MRGBP: variants seen among roughly 807,000 people sequenced by gnomAD.
MRGBP encodes the protein MRG/MORF4L-binding protein.
MRGBP carries 5 observed loss-of-function variants against 21.5 expected under a neutral mutation model. The observed-to-expected ratio is 0.23, with a 90% CI of 0.12 to 0.49. The LOEUF is 0.49. Ranked by LOEUF, MRGBP falls within the 20% of genes least tolerant of loss-of-function variation. The pLI, the probability that MRGBP is intolerant of heterozygous loss-of-function variation, is 0.98. For synonymous variants in MRGBP, 118 were observed against 104.4 expected, an observed-to-expected ratio of 1.13 and a Z score of -0.79; for missense variants, 227 against 277.4, an observed-to-expected ratio of 0.82 and a Z score of 1.29.
At position 62,799,401 on chromosome 20, in the gene MRGBP, CAAAA is replaced by C. The variant is rs1258118283; in HGVS notation, c.428-53_428-50del. On this transcript the variant is annotated intron_variant, in intron 4 of 4. Transcript: ENST00000370487. Reference sequence around the variant, plus strand: ...AGATTTTTTTAACTGAACAGGAAGACAAAAATAAGATTCTGGATATTCTGTTTTC... The same window carrying C: ...AGATTTTTTTAACTGAACAGGAAGACATAAGATTCTGGATATTCTGTTTTC... 6 of 1,562,388 alleles carry C rather than the reference CAAAA, an allele frequency of 3.8e-6. No individual in the cohort carries two copies. In the East Asian group the frequency reaches 1.1e-4, roughly 29 times the overall value.
In MRGBP at chr20:62,796,684, G is replaced by A; in HGVS notation, c.148+13G>A. The A allele has an allele frequency of 1.6e-6, 2 of 1,285,012 alleles. No individual in the cohort carries two copies. The highest frequency in any genetic ancestry group is 2.0e-5 in the South Asian group (1 of 49,016). The allele number at this position is 1,285,012 out of a possible 1,614,324, so 79.6% of individuals were successfully genotyped here. ...CACAAGCCCGTCGGTGAGCGCCCAG[G>A]CTGCGGACGCGCGTGGGGGCGGGGC... is the stretch of plus-strand genomic sequence containing the variant. On this transcript the variant is annotated intron_variant, in intron 1 of 4. Coordinates refer to ENST00000370487, the MANE Select transcript of MRGBP (RefSeq NM_018270.6).
rs1191555984 is a variant in MRGBP, at chr20:62,800,963, A to G, written c.*1320A>G. On this transcript the variant is annotated 3_prime_UTR_variant, in exon 5 of 5. Coordinates refer to ENST00000370487, the MANE Select transcript of MRGBP (RefSeq NM_018270.6). ...TGTCCTGGCCAGCCATCGCACCCCA[A>G]TGTCTTCAGCTTGACGTTGCTTCTC... 1.3e-5 allele frequency: 2 copies of G among 152,208 alleles called. No individual in the cohort carries two copies. Among genetic ancestry groups the G allele is most frequent in the East Asian group, 1.9e-4 (1 of 5,164 alleles). 9.4% of individuals were successfully genotyped at this position (152,208 alleles called of 1,614,324 possible).
intron 2 of MRGBP, among the ~76,000 whole-genome samples, chr20:62,797,691 G>T (rs1197470120): frequency 6.6e-6 from 1 of 152,234 alleles, no homozygotes; most frequent in Non-Finnish European, 1.5e-5. Context: ...GGCAGAGGGT[G>T]ACCCTATCTG....
intron 3 of MRGBP, 106 bp from the exon 4 acceptor site, chr20:62,798,869 G>A: frequency 6.3e-7 from 1 of 1,583,190 alleles, no homozygotes; most frequent in Non-Finnish European, 8.6e-7. Flanking sequence ...GACGGAAGCT[G>A]AGGCCTGTGT....
At position 62,799,593 on chromosome 20, in the gene MRGBP, G is replaced by A. The variant is rs780471228; in HGVS notation, c.565G>A (p.Ala189Thr). ...RSRVTDKVLT[A>T]NSNPSSPSAA... ...CCGGGTCACCGACAAAGTCCTGACC[G>A]CAAACAGCAACCCTTCCAGTCCCAG... is the stretch of plus-strand genomic sequence containing the variant. The change falls in exon 5 of 5, where the codon GCA becomes ACA. Residue 189 changes from alanine (A) to threonine (T), a missense_variant. Coordinates refer to ENST00000370487, the MANE Select transcript of MRGBP (RefSeq NM_018270.6). The A allele has an allele frequency of 8.1e-6, 13 of 1,613,480 alleles. No homozygotes were observed. The highest frequency in any genetic ancestry group is 2.2e-5 in the East Asian group (1 of 44,898).
At chr20:62,798,520 T>C in intron 2 of MRGBP, 67 bp from the exon 3 acceptor site, 1 of 1,391,400 alleles carries the variant, frequency 7.2e-7, no homozygotes, top group East Asian at 2.3e-5. Context: ...CTTACACGGC[T>C]CTAGTGACTT....
intron 3 of MRGBP, 84 bp from the exon 4 acceptor site, chr20:62,798,891 G>A (rs756490940): frequency 1.1e-4 from 180 of 1,597,184 alleles, no homozygotes; most frequent in Non-Finnish European, 1.3e-4. Flanking sequence ...GGCAGCAAGC[G>A]TCGGAGCAGT....
chr20:62,797,930 C>G (rs1478294941), intron 2 of MRGBP, among the ~76,000 whole-genome samples: 1 of 152,030 alleles, frequency 6.6e-6, no homozygotes, highest in African/African-American at 2.4e-5. Context: ...GGTCAGGGGT[C>G]AGGTGACCAG....
chr20:62,796,516 C>A lies in MRGBP; in HGVS notation c.-8C>A. On this transcript the variant is annotated 5_prime_UTR_variant, in exon 1 of 5. Coordinates refer to ENST00000370487, the MANE Select transcript of MRGBP (RefSeq NM_018270.6). Reference sequence around the variant, plus strand: ...GCCGGGGGCTCCTTGCTCGGCCGGGCCGCGGCCATGGGAGAGGCCGAGGTG... The same window carrying A: ...GCCGGGGGCTCCTTGCTCGGCCGGGACGCGGCCATGGGAGAGGCCGAGGTG... 2 of 1,146,088 alleles carry A rather than the reference C, an allele frequency of 1.7e-6. No homozygotes were observed. The highest frequency in any genetic ancestry group is 2.1e-6 in the Non-Finnish European group (2 of 932,574). 71.0% of individuals were successfully genotyped at this position (1,146,088 alleles called of 1,614,324 possible).
chr20:62,799,368 C>A, intron 4 of MRGBP, 88 bp from the exon 5 acceptor site: 1 of 1,386,426 alleles, frequency 7.2e-7, no homozygotes, highest in South Asian at 1.4e-5. Flanking sequence ...GGTCACGTGT[C>A]AGTATGCAGA....
Position 62,796,573 on chromosome 20 carries a change from C to CG in MRGBP, c.55dup (p.Glu19GlyfsTer74). On this transcript the variant is annotated frameshift_variant, in exon 1 of 5. Transcript: ENST00000370487. LOFTEE classifies it high-confidence loss of function. ...GGGGGCGCCGCAGGCGACAAGGGCCCGGGGGAGGCGGCCACCAGCCCGGCG... is the reference window on the plus strand; with the variant it reads ...GGGGGCGCCGCAGGCGACAAGGGCCCGGGGGGAGGCGGCCACCAGCCCGGCG... 1 of 1,254,898 alleles carries CG rather than the reference C, an allele frequency of 8.0e-7. No individual in the cohort carries two copies. Among genetic ancestry groups the CG allele is most frequent in the Non-Finnish European group, 1.0e-6 (1 of 995,972 alleles). 77.7% of individuals were successfully genotyped at this position (1,254,898 alleles called of 1,614,324 possible).
intron 2 of MRGBP, among the ~76,000 whole-genome samples, chr20:62,797,504 C>G (rs1990363208): frequency 6.6e-6 from 1 of 152,214 alleles, no homozygotes; most frequent in Non-Finnish European, 1.5e-5. Context: ...GGCTCCAGAG[C>G]CTGTCATGGA....
intron 2 of MRGBP, 131 bp from the exon 3 acceptor site, chr20:62,798,456 C>T (rs1990382524): frequency 1.7e-5 from 12 of 727,046 alleles, no homozygotes; most frequent in Non-Finnish European, 2.7e-5. Context: ...TTGCCCCGCC[C>T]GCCGCAGCCT....
At position 62,798,885 on chromosome 20, in the gene MRGBP, G is replaced by A. The variant is rs952420312; in HGVS notation, c.353-90G>A. The A allele has an allele frequency of 8.2e-6, 13 of 1,589,666 alleles. No homozygotes were observed. The African/African-American group carries it at 1.5e-4, about 18-fold the overall frequency. ...ACGGAAGCTGAGGCCTGTGTGGGCA[G>A]CAAGCGTCGGAGCAGTCCCTGGCCT... On this transcript the variant is annotated intron_variant, in intron 3 of 4. Transcript: ENST00000370487.
chr20:62,796,513 G>C lies in MRGBP; in HGVS notation c.-11G>C, dbSNP rs1990336643. Reference sequence around the variant, plus strand: ...CCCGCCGGGGGCTCCTTGCTCGGCCGGGCCGCGGCCATGGGAGAGGCCGAG... The same window carrying C: ...CCCGCCGGGGGCTCCTTGCTCGGCCCGGCCGCGGCCATGGGAGAGGCCGAG... On this transcript the variant is annotated 5_prime_UTR_variant, in exon 1 of 5. Transcript: ENST00000370487. 1.7e-6 allele frequency: 2 copies of C among 1,142,866 alleles called. No individual in the cohort carries two copies. The highest frequency in any genetic ancestry group is 1.6e-5 in the African/African-American group (1 of 61,078). The allele number at this position is 1,142,866 out of a possible 1,614,324, so 70.8% of individuals were successfully genotyped here.
At chr20:62,798,113 C>G (rs1990374835) in intron 2 of MRGBP, among the ~76,000 whole-genome samples, 1 of 152,246 alleles carries the variant, frequency 6.6e-6, no homozygotes, top group African/African-American at 2.4e-5. Context: ...GTGGCGCTCC[C>G]AACCGACACC....
At position 62,801,644 on chromosome 20, in the gene MRGBP, T is replaced by G. The variant is rs1990467978; in HGVS notation, c.*2001T>G. On this transcript the variant is annotated 3_prime_UTR_variant, in exon 5 of 5. Transcript: ENST00000370487. ...AGTCCTGCTCGCCACCCAGGCTCAC[T>G]GTCCTAAACCTCCATCTGAAACCGC... The G allele has an allele frequency of 6.6e-6, 1 of 152,304 alleles. No individual in the cohort carries two copies. The highest frequency in any genetic ancestry group is 1.5e-5 in the Non-Finnish European group (1 of 68,080). The allele number at this position is 152,304 out of a possible 1,614,324, so 9.4% of individuals were successfully genotyped here. A position where few individuals can be genotyped will look rare whatever the true frequency, so the allele number is the denominator to read the frequency against.
rs750421829 is a variant in MRGBP, at chr20:62,796,594, C to T, written c.71C>T (p.Pro24Leu). The change falls in exon 1 of 5, where the codon CCG becomes CTG. Residue 24 changes from proline to leucine, a missense_variant. Around this residue, in one of 2 missense-constraint regions of MRGBP, gnomAD observed 65 missense variants for 49.7 expected, o/e 1.31. Transcript: ENST00000370487. ...DKGPGEAATS[P>L]AEETVVWSPE... is the part of the protein sequence containing the mutation. ...GGCCCGGGGGAGGCGGCCACCAGCC[C>T]GGCGGAGGAGACAGTGGTGTGGAGC... 2 of 1,283,412 alleles carry T rather than the reference C, an allele frequency of 1.6e-6. No individual in the cohort carries two copies. The highest frequency in any genetic ancestry group is 1.6e-5 in the African/African-American group (1 of 63,388). 79.5% of individuals were successfully genotyped at this position (1,283,412 alleles called of 1,614,324 possible).
chr20:62,797,182 C>G lies in MRGBP; in HGVS notation c.221C>G (p.Ser74Cys), dbSNP rs780506392. Residue 74 changes from serine (S) to cysteine (C), a missense_variant, in exon 2 of 5, where the codon TCC becomes TGC. By Grantham distance (112) the Ser-to-Cys change is moderately radical. This residue lies in a region of MRGBP where 162 missense variants were observed against 227.7 expected (regional missense o/e 0.71). Transcript: ENST00000370487. ...FSQNIGRQVPSKVIWDHLSTM... is the reference protein window; with the variant it reads ...FSQNIGRQVPCKVIWDHLSTM... ...CAGAACATCGGGCGGCAGGTCCCAT[C>G]CAAGGTCATCTGGGACCATCTGAGC... 1 of 1,605,918 alleles carries G rather than the reference C, an allele frequency of 6.2e-7. No homozygotes were observed. The highest frequency in any genetic ancestry group is 8.5e-7 in the Non-Finnish European group (1 of 1,177,338).
Sources: allele counts gnomAD v4.1 joint callset (sites outside exome capture counted in the v4.1 genomes callset), GRCh38; gene constraint gnomAD v4.1.1; regional missense constraint gnomAD v4.1.1; transcripts MANE v1.5; gene names NCBI Gene and HGNC (gene_info 2026-07-23, HGNC 2026-07-21).